Variants in WSCD2 observed in about 807,000 individuals in gnomAD.
WSCD2 encodes the protein WSC domain sialate O sulfotransferase 2.
A neutral mutation model predicts 55.7 loss-of-function variants in WSCD2; 28 were observed. The observed-to-expected ratio is 0.50, with a 90% CI of 0.37 to 0.69. The LOEUF (loss-of-function observed/expected upper bound fraction) is 0.69. Ranked by LOEUF, WSCD2 falls within the 30% of genes least tolerant of loss-of-function variation. WSCD2 has a pLI of 0.00. For missense variants in WSCD2, 616 were observed against 762.1 expected (o/e 0.81, Z 2.26); for synonymous variants, 301 against 301.9 (o/e 1.00, Z 0.03).
chr12:108,205,661 T>C (rs1290582578), intron 2 of WSCD2, among the ~76,000 whole-genome samples: 4 of 152,250 alleles, frequency 2.6e-5, no homozygotes. Context: ...TTTCTTATTC[T>C]ACTCATCTTA....
At chr12:108,130,267 T>G (rs1183278453) in intron 1 of WSCD2, among the ~76,000 whole-genome samples, 1 of 152,154 alleles carries the variant, frequency 6.6e-6, no homozygotes, top group Non-Finnish European at 1.5e-5. Context: ...CCCCGTAAAT[T>G]TGATTTATGA....
intron 1 of WSCD2, among the ~76,000 whole-genome samples, chr12:108,161,768 T>C (rs1328723498): frequency 1.3e-5 from 2 of 152,238 alleles, no homozygotes; most frequent in Non-Finnish European, 2.9e-5. Flanking sequence ...TGTTCAGTCC[T>C]GTGATACCTG....
intron 1 of WSCD2, among the ~76,000 whole-genome samples, chr12:108,151,247 C>T (rs374501085): frequency 6.6e-6 from 1 of 152,160 alleles, no homozygotes; most frequent in East Asian, 1.9e-4. Context: ...CTGCCCTGTG[C>T]ATTGCAGTGT....
At chr12:108,199,233 C>G (rs568406131) in intron 2 of WSCD2, among the ~76,000 whole-genome samples, 9 of 151,662 alleles carry the variant, frequency 5.9e-5, no homozygotes, top group African/African-American at 2.2e-4. Context: ...TCCGGCCTGA[C>G]GCTAAACTCA....
chr12:108,215,271 C>T (rs1305607985), intron 4 of WSCD2, among the ~76,000 whole-genome samples: 1 of 152,184 alleles, frequency 6.6e-6, no homozygotes, highest in Non-Finnish European at 1.5e-5. Flanking sequence ...GTTTTGGAAT[C>T]AGGCATAATG....
intron 1 of WSCD2, among the ~76,000 whole-genome samples, chr12:108,194,250 T>A (rs937377377): frequency 4.6e-5 from 7 of 152,180 alleles, no homozygotes; most frequent in Non-Finnish European, 1.0e-4. Flanking sequence ...GGAATCTATA[T>A]TCACCAGGCT....
At chr12:108,247,538 T>G (rs189884145) in intron 8 of WSCD2, among the ~76,000 whole-genome samples, 249 of 151,804 alleles carry the variant, frequency 1.6e-3, no homozygotes, top group Admixed American at 4.4e-3. Context: ...CTAAAAGGAG[T>G]GAATTGAGCT....
chr12:108,180,073 A>C (rs1470350531), intron 1 of WSCD2, among the ~76,000 whole-genome samples: 4 of 151,226 alleles, frequency 2.6e-5, no homozygotes, highest in African/African-American at 9.7e-5. Flanking sequence ...AAAAAGAAAA[A>C]GAAAAGAAAA....
intron 2 of WSCD2, among the ~76,000 whole-genome samples, chr12:108,198,148 T>C (rs1884179643): frequency 6.6e-6 from 1 of 151,956 alleles, no homozygotes; most frequent in Admixed American, 6.6e-5. Flanking sequence ...GCCTCTTTGT[T>C]TAAGATCAGC....
chr12:108,153,418 T>A (rs115511089), intron 1 of WSCD2, among the ~76,000 whole-genome samples: 1 of 152,214 alleles, frequency 6.6e-6, no homozygotes, highest in Non-Finnish European at 1.5e-5. Flanking sequence ...CTACCCCTCA[T>A]TGGTTCCTAA....
chr12:108,141,425 G>A lies in WSCD2; in HGVS notation c.-552+11499G>A, dbSNP rs182672868. ...TCTAAACAATACAAATTTACTATCT[G>A]CCAGTTCTGGAGGTTTGAAGTCTAA... On this transcript the variant is annotated intron_variant, in intron 1 of 8. Coordinates refer to ENST00000547525, the MANE Select transcript of WSCD2 (RefSeq NM_014653.4). Among the ~76,000 whole-genome samples, 1,031 of 152,212 alleles carry A rather than the reference G, an allele frequency of 6.8e-3. 5 individuals carry two copies. Among genetic ancestry groups the A allele is most frequent in the Non-Finnish European group, 9.8e-3 (666 of 68,006 alleles).
Position 108,217,741 on chromosome 12 carries a change from G to T in WSCD2, c.683-6998G>T, listed in dbSNP as rs115352383. Among the ~76,000 whole-genome samples the T allele has an allele frequency of 1.8e-3, 267 of 152,162 alleles. 2 individuals are homozygous for T. Among genetic ancestry groups the T allele is most frequent in the African/African-American group, 6.3e-3 (261 of 41,488 alleles). ...ACTTCCCAAACTTATCCCCCTCACTGCACCCCCAGAACACATCTTGCCCAA... is the reference window on the plus strand; with the variant it reads ...ACTTCCCAAACTTATCCCCCTCACTTCACCCCCAGAACACATCTTGCCCAA... On this transcript the variant is annotated intron_variant, in intron 4 of 8. Transcript: ENST00000547525.
At chr12:108,206,617 G>C (rs1885412440) in intron 3 of WSCD2, among the ~76,000 whole-genome samples, 1 of 152,238 alleles carries the variant, frequency 6.6e-6, no homozygotes. Context: ...ATGGGAGTCT[G>C]TGGTTGTGCA....
chr12:108,160,307 G>A (rs1878933512), intron 1 of WSCD2, among the ~76,000 whole-genome samples: 1 of 152,190 alleles, frequency 6.6e-6, no homozygotes, highest in Admixed American at 6.5e-5. Flanking sequence ...GATATGACAA[G>A]ATAGTATATT....
At chr12:108,222,104 A>G (rs1169065635) in intron 4 of WSCD2, among the ~76,000 whole-genome samples, 2 of 152,170 alleles carry the variant, frequency 1.3e-5, no homozygotes, top group Non-Finnish European at 2.9e-5. Flanking sequence ...TATCATTCAT[A>G]AACACCTTCC....
intron 1 of WSCD2, among the ~76,000 whole-genome samples, chr12:108,176,790 G>A (rs980819761): frequency 2.1e-5 from 3 of 143,562 alleles, no homozygotes; most frequent in African/African-American, 7.5e-5. Flanking sequence ...CAGCACTTGG[G>A]ATTAGTTTTT....
rs1459501591 is a variant in WSCD2 at position 108,240,434 on chromosome 12, A to G, written c.1235A>G (p.Asp412Gly). Residue 412 changes from aspartate to glycine, a missense_variant, in exon 8 of 9, where the codon GAC (aspartate) becomes GGC (glycine). By Grantham distance (94) the Asp-to-Gly change is moderately conservative (BLOSUM62 -1). Coordinates refer to ENST00000547525, the MANE Select transcript of WSCD2 (RefSeq NM_014653.4). ...ESGQKEIEAF[D>G]AAILLIRNPY... The stretch of plus-strand genomic sequence containing the variant: ...GGCCAGAAAGAGATCGAGGCCTTCG[A>G]CGCCGCCATCCTGCTCATCCGCAAC... 7.4e-6 allele frequency: 12 copies of G among 1,614,092 alleles called. No homozygotes were observed. The highest frequency in any genetic ancestry group is 5.5e-5 in the South Asian group (5 of 91,074).
chr12:108,158,459 T>C (rs1221969742), intron 1 of WSCD2, among the ~76,000 whole-genome samples: 1 of 4,090 alleles, frequency 2.4e-4, no homozygotes. Context: ...GACAAGTCCC[T>C]GGGGCGGGCG....
chr12:108,168,947 G>A (rs1332633539), intron 1 of WSCD2, among the ~76,000 whole-genome samples: 4 of 152,156 alleles, frequency 2.6e-5, no homozygotes, highest in Non-Finnish European at 5.9e-5. Context: ...GGTAAGCAGT[G>A]GGCCAGTGAA....
Sources: allele counts gnomAD v4.1 joint callset (sites outside exome capture counted in the v4.1 genomes callset), GRCh38; gene constraint gnomAD v4.1.1; transcripts MANE v1.5; gene names NCBI Gene and HGNC (gene_info 2026-07-23, HGNC 2026-07-21).